Variants in FSTL5 observed in about 807,000 individuals in gnomAD.
FSTL5 encodes the protein follistatin-related protein 5.
A neutral mutation model predicts 89.1 loss-of-function variants in FSTL5; 62 were observed. That is an observed-to-expected ratio of 0.70 (90% CI 0.57 to 0.86). The LOEUF (loss-of-function observed/expected upper bound fraction) is 0.86. FSTL5 is among the 40% of genes least tolerant of loss of function. The probability of loss-of-function intolerance (pLI) is 0.00; values close to 1 mark genes in which losing one functional copy is unlikely to be tolerated. For synonymous variants in FSTL5, 383 were observed against 346.2 expected (o/e 1.11, Z -1.18); for missense variants, 1,057 against 1,001.6 (o/e 1.06, Z -0.75).
chr4:161,400,606 T>A (rs1308142194), intron 15 of FSTL5, among the ~76,000 whole-genome samples: 3 of 152,062 alleles, frequency 2.0e-5, no homozygotes, highest in Non-Finnish European at 4.4e-5. Context: ...TATAAATGAA[T>A]CAATGAGGTA....
At chr4:161,797,052 C>T (rs1729651937) in intron 4 of FSTL5, among the ~76,000 whole-genome samples, 1 of 151,510 alleles carries the variant, frequency 6.6e-6, no homozygotes, top group South Asian at 2.1e-4. Flanking sequence ...TCCATCTTGC[C>T]AACTTCAATC....
intron 12 of FSTL5, among the ~76,000 whole-genome samples, chr4:161,487,511 A>C (rs1347761738): frequency 6.6e-6 from 1 of 152,136 alleles, no homozygotes; most frequent in Non-Finnish European, 1.5e-5. Context: ...ATCTACTTTA[A>C]CAGTATTTAA....
intron 4 of FSTL5, among the ~76,000 whole-genome samples, chr4:161,790,918 A>T (rs1729448471): frequency 6.6e-6 from 1 of 152,162 alleles, no homozygotes; most frequent in Admixed American, 6.5e-5. Flanking sequence ...TGGCACCCTA[A>T]AAAACTGACA....
chr4:161,765,542 A>C (rs1314138912), intron 5 of FSTL5, among the ~76,000 whole-genome samples: 1 of 152,198 alleles, frequency 6.6e-6, no homozygotes, highest in Admixed American at 6.5e-5. Flanking sequence ...AAAGAAAAAT[A>C]CTTCATTTGT....
intron 4 of FSTL5, among the ~76,000 whole-genome samples, chr4:161,903,836 A>G (rs1388908255): frequency 6.6e-6 from 1 of 152,022 alleles, no homozygotes; most frequent in Non-Finnish European, 1.5e-5. Flanking sequence ...CAAAGACTGA[A>G]TGTCCTTGGC....
At position 161,430,522 on chromosome 4, in the gene FSTL5, C is replaced by G. The variant is rs996030639; in HGVS notation, c.1841+24482G>C. Among the ~76,000 whole-genome samples, 3 of 152,112 alleles carry G rather than the reference C, an allele frequency of 2.0e-5. No individual in the cohort carries two copies. In the East Asian group the frequency reaches 5.8e-4, roughly 29 times the overall value. On this transcript the variant is annotated intron_variant, in intron 15 of 15. Transcript: ENST00000306100. ...TTGGGAGGCCGAAGCAGGTGGATCACGAGGTCAGGAGATCGAGACCATCCT... is the reference window on the plus strand; with the variant it reads ...TTGGGAGGCCGAAGCAGGTGGATCAGGAGGTCAGGAGATCGAGACCATCCT...
At chr4:161,771,286 C>T (rs1332964491) in intron 5 of FSTL5, among the ~76,000 whole-genome samples, 3 of 151,974 alleles carry the variant, frequency 2.0e-5, no homozygotes, top group East Asian at 3.9e-4. Context: ...TGAAAGTGTA[C>T]GTATAAGTAA....
At chr4:161,565,623 TC>T (rs891845267) in intron 8 of FSTL5, among the ~76,000 whole-genome samples, 4 of 151,618 alleles carry the variant, frequency 2.6e-5, no homozygotes, top group African/African-American at 9.7e-5. Flanking sequence ...ATGTCAAAAA[TC>T]CCATGTGGGT....
intron 7 of FSTL5, among the ~76,000 whole-genome samples, chr4:161,632,235 T>G (rs1578981554): frequency 6.6e-6 from 1 of 151,628 alleles, no homozygotes; most frequent in South Asian, 2.1e-4. Flanking sequence ...AAAAAATTAG[T>G]TGGGTGTGGT....
chr4:161,573,443 A>C (rs1162908024), intron 8 of FSTL5, among the ~76,000 whole-genome samples: 1 of 150,124 alleles, frequency 6.7e-6, no homozygotes, highest in Non-Finnish European at 1.5e-5. Context: ...AGAGAGAGAG[A>C]TAAAAGAAAA....
chr4:162,033,567 C>G lies in FSTL5; in HGVS notation c.160+58G>C, dbSNP rs1414693354. The G allele has an allele frequency of 4.5e-6, 4 of 891,438 alleles. No homozygotes were observed. The African/African-American group carries it at 6.8e-5, about 15-fold the overall frequency. 55.2% of individuals were successfully genotyped at this position (891,438 alleles called of 1,614,324 possible). On this transcript the variant is annotated intron_variant, in intron 3 of 15. Transcript: ENST00000306100. The stretch of plus-strand genomic sequence containing the variant: ...TTTTATTCAAAGTAGCATCACATAT[C>G]TTTTTTCTTTCTGTTATGAACTTAT...
chr4:161,660,009 A>G (rs1333626233), intron 6 of FSTL5, among the ~76,000 whole-genome samples: 3 of 152,318 alleles, frequency 2.0e-5, no homozygotes, highest in African/African-American at 4.8e-5. Flanking sequence ...CAAAAGGTAA[A>G]AACATATAGG....
At chr4:161,889,947 T>C (rs1732934547) in intron 4 of FSTL5, among the ~76,000 whole-genome samples, 1 of 152,226 alleles carries the variant, frequency 6.6e-6, no homozygotes, top group Non-Finnish European at 1.5e-5. Context: ...AATGTTATAA[T>C]ATTTTGTAAT....
chr4:161,417,878 T>C (rs560677705), intron 15 of FSTL5, among the ~76,000 whole-genome samples: 7 of 152,348 alleles, frequency 4.6e-5, no homozygotes, highest in East Asian at 1.9e-4. Flanking sequence ...TGAAGTTCCA[T>C]TGGAAAATGA....
At chr4:161,889,166 T>G (rs1440316376) in intron 4 of FSTL5, among the ~76,000 whole-genome samples, 2 of 152,134 alleles carry the variant, frequency 1.3e-5, no homozygotes, top group Non-Finnish European at 2.9e-5. Context: ...AAGCTTTGAG[T>G]AGCAATTTAC....
At chr4:161,655,523 T>G (rs1291032236) in intron 7 of FSTL5, among the ~76,000 whole-genome samples, 1 of 152,148 alleles carries the variant, frequency 6.6e-6, no homozygotes, top group East Asian at 1.9e-4. Flanking sequence ...TCATAGGTAT[T>G]AGAACATTAT....
At chr4:161,920,015 G>A (rs1011889571) in intron 4 of FSTL5, among the ~76,000 whole-genome samples, 1 of 152,100 alleles carries the variant, frequency 6.6e-6, no homozygotes, top group African/African-American at 2.4e-5. Context: ...AATCAGGAAG[G>A]AATGAAATGT....
At chr4:161,806,233 A>T (rs1729961347) in intron 4 of FSTL5, among the ~76,000 whole-genome samples, 1 of 152,152 alleles carries the variant, frequency 6.6e-6, no homozygotes, top group Non-Finnish European at 1.5e-5. Context: ...AACTGAGTCA[A>T]AGACAAGTTG....
At chr4:162,091,504 TA>T (rs1174229161) in intron 2 of FSTL5, among the ~76,000 whole-genome samples, 1 of 152,082 alleles carries the variant, frequency 6.6e-6, no homozygotes, top group Non-Finnish European at 1.5e-5. Context: ...AAGTTTTCAT[TA>T]AAAATTTCCA....
Sources: allele counts gnomAD v4.1 joint callset (sites outside exome capture counted in the v4.1 genomes callset), GRCh38; gene constraint gnomAD v4.1.1; transcripts MANE v1.5; gene names NCBI Gene and HGNC (gene_info 2026-07-23, HGNC 2026-07-21).